The following PDE10A variants were observed in gnomAD, a reference collection of about 807,000 sequenced individuals.
The protein encoded by PDE10A is phosphodiesterase 10A, also known as cAMP and cAMP-inhibited cGMP 3',5'-cyclic phosphodiesterase 10A.
PDE10A carries 39 observed loss-of-function variants against 97.7 expected under a neutral mutation model. The ratio of observed to expected loss-of-function variants is 0.40; its 90% CI spans 0.31 to 0.52. The LOEUF (loss-of-function observed/expected upper bound fraction) is 0.52. PDE10A is among the 20% of genes least tolerant of loss of function. The pLI is 0.56. For synonymous variants in PDE10A, 371 were observed against 376.8 expected, an observed-to-expected ratio of 0.98 and a Z score of 0.18; for missense variants, 731 against 1,047.8, an observed-to-expected ratio of 0.70 and a Z score of 4.17.
intron 18 of PDE10A, among the ~76,000 whole-genome samples, chr6:165,374,260 AATAC>A (rs1350987882): frequency 6.6e-6 from 1 of 151,886 alleles, no homozygotes; most frequent in African/African-American, 2.4e-5. Flanking sequence ...AATCTATAAA[AATAC>A]ATAAAGAAAA....
At chr6:165,494,457 G>A (rs1213211808) in intron 2 of PDE10A, among the ~76,000 whole-genome samples, 3 of 124,552 alleles carry the variant, frequency 2.4e-5, no homozygotes, top group Admixed American at 2.2e-4. Flanking sequence ...AGAAAATGTG[G>A]GGGGGGGTGT....
chr6:165,413,976 TAAGTA>T (rs2128227971), intron 12 of PDE10A, among the ~76,000 whole-genome samples: 1 of 152,190 alleles, frequency 6.6e-6, no homozygotes, highest in Non-Finnish European at 1.5e-5. Flanking sequence ...CCAGCATTAC[TAAGTA>T]AACAGACCAA....
intron 3 of PDE10A, among the ~76,000 whole-genome samples, chr6:165,455,242 A>T (rs1387725794): frequency 1.3e-5 from 2 of 152,130 alleles, no homozygotes; most frequent in Non-Finnish European, 2.9e-5. Context: ...AGGAGTACCA[A>T]TCAAAAGGGG....
chr6:165,707,208 T>C (rs1791731565), intron 1 of PDE10A, among the ~76,000 whole-genome samples: 1 of 152,216 alleles, frequency 6.6e-6, no homozygotes, highest in African/African-American at 2.4e-5. Context: ...ACCTGGTCCT[T>C]GAGCCAGAGT....
chr6:165,785,529 G>A (rs1201518517), intron 1 of PDE10A, among the ~76,000 whole-genome samples: 1 of 152,146 alleles, frequency 6.6e-6, no homozygotes, highest in African/African-American at 2.4e-5. Flanking sequence ...TGTTGTTATC[G>A]TTATGCTTTT....
chr6:165,774,465 G>A (rs1778105578), intron 1 of PDE10A, among the ~76,000 whole-genome samples: 1 of 147,170 alleles, frequency 6.8e-6, no homozygotes, highest in South Asian at 2.1e-4. Flanking sequence ...AAATAAACAT[G>A]TATATATAAT....
intron 3 of PDE10A, among the ~76,000 whole-genome samples, chr6:165,460,589 C>G (rs1778262913): frequency 6.6e-6 from 1 of 152,172 alleles, no homozygotes; most frequent in Admixed American, 6.5e-5. Context: ...ACAGCACTGG[C>G]CGTCCGATTG....
chr6:165,507,025 A>G (rs919419088), intron 2 of PDE10A, among the ~76,000 whole-genome samples: 1 of 152,134 alleles, frequency 6.6e-6, no homozygotes, highest in Non-Finnish European at 1.5e-5. Context: ...GAAAAGCACC[A>G]TTTGGTGATC....
At chr6:165,803,633 T>A (rs566238794) in intron 1 of PDE10A, among the ~76,000 whole-genome samples, 1 of 152,374 alleles carries the variant, frequency 6.6e-6, no homozygotes, top group East Asian at 1.9e-4. Context: ...TCTGAGTGAC[T>A]GGGTGAACGA....
rs1054786344 is a variant in PDE10A, at chr6:165,819,719, G to T, written c.-615+167810C>A. Among the ~76,000 whole-genome samples the T allele has an allele frequency of 6.6e-6, 1 of 152,120 alleles. No individual in the cohort carries two copies. Among genetic ancestry groups the T allele is most frequent in the African/African-American group, 2.4e-5 (1 of 41,430 alleles). On this transcript the variant is annotated intron_variant, in intron 1 of 19. Coordinates refer to the PDE10A transcript ENST00000366882. This position sits in a 1 kb window ranked among gnomAD's most constrained non-coding sequence, Gnocchi z 4.2. Reference sequence around the variant, plus strand: ...ACTGTGCACCACGTACTCCTCACCCGCCCTCCCGCTGTGAGCACATTCCGG... The same window carrying T: ...ACTGTGCACCACGTACTCCTCACCCTCCCTCCCGCTGTGAGCACATTCCGG...
intron 1 of PDE10A, among the ~76,000 whole-genome samples, chr6:165,772,750 G>A (rs895520360): frequency 3.9e-5 from 6 of 152,152 alleles, no homozygotes; most frequent in South Asian, 2.1e-4. Context: ...TGATTTGGGG[G>A]CGGGGTGGGG....
At chr6:165,577,718 A>C (rs565477258) in intron 1 of PDE10A, among the ~76,000 whole-genome samples, 1 of 152,302 alleles carries the variant, frequency 6.6e-6, no homozygotes, top group Non-Finnish European at 1.5e-5. Flanking sequence ...AGCAGCCCTC[A>C]TGCAATCAGC....
chr6:165,554,370 C>T (rs1335842977), intron 1 of PDE10A, among the ~76,000 whole-genome samples: 1 of 152,082 alleles, frequency 6.6e-6, no homozygotes, highest in Non-Finnish European at 1.5e-5. Context: ...ATAGACATTT[C>T]TCAAAAGAAG....
At chr6:165,534,956 G>A (rs1017108365) in intron 2 of PDE10A, among the ~76,000 whole-genome samples, 4 of 151,954 alleles carry the variant, frequency 2.6e-5, no homozygotes, top group African/African-American at 7.2e-5. Flanking sequence ...AATTACACAA[G>A]AGAAAGAAAT....
chr6:165,615,741 C>G (rs372042428), intron 1 of PDE10A, among the ~76,000 whole-genome samples: 1 of 152,050 alleles, frequency 6.6e-6, no homozygotes, highest in African/African-American at 2.4e-5. Context: ...TACTGAAATT[C>G]GCATGTCTTT....
At chr6:165,861,662 A>C (rs1780909183) in intron 1 of PDE10A, among the ~76,000 whole-genome samples, 1 of 151,914 alleles carries the variant, frequency 6.6e-6, no homozygotes, top group Non-Finnish European at 1.5e-5. Flanking sequence ...GCAGAGACCG[A>C]AAGACCAGAG....
rs1236752523 is a variant in PDE10A, at chr6:165,619,543, T to C, written c.865+42404A>G. On this transcript the variant is annotated intron_variant, in intron 1 of 21. Transcript: ENST00000539869. ...TGTAGTGTAGTGTAGTCTAATGTAGTGTAGTGTAGTCTAGTGTAGTATACT... is the reference window on the plus strand; with the variant it reads ...TGTAGTGTAGTGTAGTCTAATGTAGCGTAGTGTAGTCTAGTGTAGTATACT... 1.2e-3 allele frequency among the ~76,000 whole-genome samples: 179 copies of C among 150,184 alleles called. 10 individuals are homozygous for C. The highest frequency in any genetic ancestry group is 3.6e-3 in the African/African-American group (142 of 39,748).
In PDE10A at chr6:165,501,466, G is replaced by A. The variant is rs539521943; in HGVS notation, c.995-19123C>T. Among the ~76,000 whole-genome samples, 68 of 152,182 alleles carry A rather than the reference G, an allele frequency of 4.5e-4. 1 individual carries two copies. In the South Asian group the frequency reaches 9.4e-3, roughly 21 times the overall value. On this transcript the variant is annotated intron_variant, in intron 2 of 21. Coordinates refer to ENST00000539869, the MANE Select transcript of PDE10A (RefSeq NM_001385079.1). ...GTCCCAGCTACTCAGGAGGCTACTCGGGAGGCTGAGGCAGGAGAATGGCGT... is the reference window on the plus strand; with the variant it reads ...GTCCCAGCTACTCAGGAGGCTACTCAGGAGGCTGAGGCAGGAGAATGGCGT...
chr6:165,531,744 G>T (rs938619277), intron 2 of PDE10A, among the ~76,000 whole-genome samples: 2 of 138,946 alleles, frequency 1.4e-5, no homozygotes, highest in Non-Finnish European at 3.2e-5. Flanking sequence ...ATTATATATA[G>T]TTCTGCAACT....
Sources: allele counts gnomAD v4.1 joint callset (sites outside exome capture counted in the v4.1 genomes callset), GRCh38; gene constraint gnomAD v4.1.1; non-coding constraint Gnocchi (gnomAD v3.1); transcripts MANE v1.5; gene names NCBI Gene and HGNC (gene_info 2026-07-23, HGNC 2026-07-21).